Variants in CDH23 observed in about 807,000 individuals in gnomAD.
The protein encoded by CDH23 is cadherin related 23.
In CDH23, 189 loss-of-function variants were observed where a neutral mutation model predicts 317.1. The ratio of observed to expected loss-of-function variants is 0.60; its 90% CI spans 0.53 to 0.67. The LOEUF is 0.67. Among genes scored for constraint, CDH23 ranks in the 30% least tolerant of loss-of-function variants. CDH23 has a pLI of 0.00. For missense variants in CDH23, 4,401 were observed against 4,592.4 expected, an observed-to-expected ratio of 0.96 and a Z score of 1.20; for synonymous variants, 1,839 against 1,876.8, an observed-to-expected ratio of 0.98 and a Z score of 0.52.
At chr10:71,545,590 A>G (rs1856229913) in intron 6 of CDH23, among the ~76,000 whole-genome samples, 1 of 152,202 alleles carries the variant, frequency 6.6e-6, no homozygotes. Flanking sequence ...ACAGTTCTTC[A>G]GGGCCTACTG....
At chr10:71,459,515 T>G (rs1219083426) in intron 3 of CDH23, among the ~76,000 whole-genome samples, 1 of 152,198 alleles carries the variant, frequency 6.6e-6, no homozygotes, top group Non-Finnish European at 1.5e-5. Context: ...GGGACAGGAA[T>G]GATATTCTAT....
At position 71,566,836 on chromosome 10, in the gene CDH23, C is replaced by G; in HGVS notation, c.524C>G (p.Ser175Cys). Residue 175 changes from serine (S) to cysteine (C), a missense_variant, in exon 7 of 70, where the codon TCC becomes TGC. Transcript: ENST00000224721. ...GSVLYSFQPP[S>C]QFFAIDSARG... is the part of the protein sequence containing the mutation. The stretch of plus-strand genomic sequence containing the variant: ...GTCCTCTACTCCTTCCAGCCCCCCT[C>G]CCAATTCTTCGCCATTGACAGCGCC... 1 of 1,614,006 alleles carries G rather than the reference C, an allele frequency of 6.2e-7. No homozygotes were observed. The highest frequency in any genetic ancestry group is 8.5e-7 in the Non-Finnish European group (1 of 1,179,888).
chr10:71,428,217 A>C (rs1849202805), intron 1 of CDH23, among the ~76,000 whole-genome samples: 1 of 148,134 alleles, frequency 6.8e-6, no homozygotes, highest in Non-Finnish European at 1.5e-5. Flanking sequence ...GGCTTACTGC[A>C]ACCTCCGCCT....
intron 6 of CDH23, among the ~76,000 whole-genome samples, chr10:71,535,576 A>G (rs1341877217): frequency 6.6e-6 from 1 of 152,134 alleles, no homozygotes; most frequent in Non-Finnish European, 1.5e-5. Context: ...ATAGACAGAC[A>G]CCCTCGCATG....
At chr10:71,563,700 CT>C (rs1250959627) in intron 6 of CDH23, among the ~76,000 whole-genome samples, 2 of 149,936 alleles carry the variant, frequency 1.3e-5, no homozygotes, top group African/African-American at 4.9e-5. Context: ...AGGAGACTCT[CT>C]TTTTTTCACA....
At chr10:71,526,216 A>T (rs897044194) in intron 6 of CDH23, among the ~76,000 whole-genome samples, 8 of 152,226 alleles carry the variant, frequency 5.3e-5, no homozygotes, top group Non-Finnish European at 1.0e-4. Flanking sequence ...ATCTTCCTCT[A>T]GGCGGTAGAA....
intron 3 of CDH23, among the ~76,000 whole-genome samples, chr10:71,476,053 C>G (rs1439005191): frequency 6.6e-6 from 1 of 152,166 alleles, no homozygotes; most frequent in African/African-American, 2.4e-5. Context: ...TGGCAGCTCC[C>G]AGACATTTGG....
In CDH23 at chr10:71,617,220, G is replaced by A. The variant is rs1195617689; in HGVS notation, c.961G>A (p.Asp321Asn). 8.1e-6 allele frequency: 13 copies of A among 1,613,728 alleles called. No individual in the cohort carries two copies. Among genetic ancestry groups the A allele is most frequent in the South Asian group, 2.2e-5 (2 of 91,052 alleles). Reference sequence around the variant, plus strand: ...CTGTCCATAGGGCACGGAGCTGAACGATGACCGCACCCCATCTGACGCTAC... The same window carrying A: ...CTGTCCATAGGGCACGGAGCTGAACAATGACCGCACCCCATCTGACGCTAC... ...ILTVKGTELN[D>N]DRTPSDATVT... is the part of the protein sequence containing the mutation. The change falls in exon 11 of 70, where the codon GAT becomes AAT. Residue 321 changes from aspartate (D) to asparagine (N), a missense_variant. Asp to Asn is a conservative substitution (Grantham distance 23, BLOSUM62 1). This residue lies in a region of CDH23 where 3,068 missense variants were observed against 3,203.3 expected (regional missense o/e 0.96). Coordinates refer to ENST00000224721, the MANE Select transcript of CDH23 (RefSeq NM_022124.6).
At chr10:71,522,735 C>G (rs1361715765) in intron 6 of CDH23, among the ~76,000 whole-genome samples, 1 of 152,008 alleles carries the variant, frequency 6.6e-6, no homozygotes, top group African/African-American at 2.4e-5. Context: ...TGCCTAGGTG[C>G]TGGGATAAGA....
intron 32 of CDH23, among the ~76,000 whole-genome samples, chr10:71,732,900 G>A (rs1240144358): frequency 6.6e-6 from 1 of 152,170 alleles, no homozygotes; most frequent in Non-Finnish European, 1.5e-5. Context: ...TCTACCTGGA[G>A]TTAGCGTCAG....
At chr10:71,526,572 C>T (rs1404646301) in intron 6 of CDH23, among the ~76,000 whole-genome samples, 1 of 152,196 alleles carries the variant, frequency 6.6e-6, no homozygotes, top group Non-Finnish European at 1.5e-5. Context: ...TCTGCTTATG[C>T]CACTCGTATG....
intron 6 of CDH23, among the ~76,000 whole-genome samples, chr10:71,537,867 A>C (rs1163835645): frequency 3.3e-5 from 5 of 152,188 alleles, no homozygotes; most frequent in Non-Finnish European, 5.9e-5. Context: ...TCACAAACAA[A>C]GAGACTGAGG....
At chr10:71,651,405 C>T (rs901207639) in intron 14 of CDH23, among the ~76,000 whole-genome samples, 4 of 149,518 alleles carry the variant, frequency 2.7e-5, no homozygotes, top group African/African-American at 9.8e-5. Context: ...TGGTGGCATA[C>T]ACCTTTAGTT....
In CDH23 at chr10:71,810,155, A is replaced by G. The variant is rs1418038892; in HGVS notation, c.8979+79A>G. The G allele has an allele frequency of 1.3e-5, 20 of 1,546,862 alleles. No homozygotes were observed. In the East Asian group the frequency reaches 4.5e-4, roughly 35 times the overall value. On this transcript the variant is annotated intron_variant, in intron 61 of 69. Coordinates refer to ENST00000224721, the MANE Select transcript of CDH23 (RefSeq NM_022124.6). The stretch of plus-strand genomic sequence containing the variant: ...GCCAGGCCACAAGGAGAGACAGGGC[A>G]TTGTGCAAAGGCCAGGGCGTGAAAG...
intron 7 of CDH23, 65 bp downstream of exon 7, chr10:71,567,001 G>A (rs756433785): frequency 1.9e-5 from 28 of 1,463,122 alleles, no homozygotes; most frequent in South Asian, 5.8e-5. Flanking sequence ...AGAGAGTGAC[G>A]GGGCATTCCA....
chr10:71,480,351 C>G (rs1852003450), intron 3 of CDH23, among the ~76,000 whole-genome samples: 1 of 152,244 alleles, frequency 6.6e-6, no homozygotes, highest in African/African-American at 2.4e-5. Flanking sequence ...AGCACTTAAG[C>G]CAGGCTGTAC....
intron 1 of CDH23, among the ~76,000 whole-genome samples, chr10:71,417,060 C>G (rs1171226770): frequency 7.3e-6 from 1 of 136,198 alleles, no homozygotes; most frequent in Non-Finnish European, 1.6e-5. Flanking sequence ...TTGTCTTTTC[C>G]TTTCTTCTTT....
In CDH23 at chr10:71,734,549, C is replaced by G. The variant is rs1839501483; in HGVS notation, c.4207-107C>G. The G allele has an allele frequency of 2.6e-5, 42 of 1,607,630 alleles. 1 individual carries two copies. In the South Asian group the frequency reaches 4.2e-4, roughly 16 times the overall value. ...ACCTCAGGCAGGTGGAGGGTGGCAC[C>G]TCCAGAGACACTGCCGGGAGTGGGG... On this transcript the variant is annotated intron_variant, in intron 33 of 69. Transcript: ENST00000224721.
At chr10:71,690,793 A>G (rs781208279) in intron 20 of CDH23, among the ~76,000 whole-genome samples, 1 of 152,240 alleles carries the variant, frequency 6.6e-6, no homozygotes, top group Non-Finnish European at 1.5e-5. Context: ...GACCCAGTGA[A>G]GGACGTCTTT....
Sources: allele counts gnomAD v4.1 joint callset (sites outside exome capture counted in the v4.1 genomes callset), GRCh38; gene constraint gnomAD v4.1.1; regional missense constraint gnomAD v4.1.1; transcripts MANE v1.5; gene names NCBI Gene and HGNC (gene_info 2026-07-23, HGNC 2026-07-21).